KDM4B: variants seen among roughly 807,000 people sequenced by gnomAD.
KDM4B encodes lysine demethylase 4B.
In KDM4B, 32 loss-of-function variants were observed where a neutral mutation model predicts 125.2. That is an observed-to-expected ratio of 0.26 (90% confidence interval 0.19 to 0.34). The LOEUF (loss-of-function observed/expected upper bound fraction) is 0.34, where lower values mean the gene tolerates loss of function less well. Ranked by LOEUF, KDM4B falls within the 10% of genes least tolerant of loss-of-function variation. The pLI, the probability that KDM4B is intolerant of heterozygous loss-of-function variation, is 1.00. For synonymous variants in KDM4B, 721 were observed against 677.9 expected (o/e 1.06, Z -0.99); for missense variants, 1,190 against 1,577.7 (o/e 0.75, Z 4.16).
intron 1 of KDM4B, among the ~76,000 whole-genome samples, chr19:4,981,099 T>C (rs1022298125): frequency 6.6e-6 from 1 of 152,094 alleles, no homozygotes; most frequent in African/African-American, 2.4e-5. Context: ...CACGGGCCTC[T>C]TCTCTCAGCC....
At chr19:4,988,306 T>C (rs570762694) in intron 1 of KDM4B, among the ~76,000 whole-genome samples, 1 of 152,106 alleles carries the variant, frequency 6.6e-6, no homozygotes, top group South Asian at 2.1e-4. Flanking sequence ...GACGGAGTCT[T>C]GTTGTGTTTC....
At chr19:5,037,898 G>A (rs1421755412) in intron 3 of KDM4B, among the ~76,000 whole-genome samples, 2 of 152,260 alleles carry the variant, frequency 1.3e-5, no homozygotes, top group Non-Finnish European at 2.9e-5. Flanking sequence ...TGCCGGCCAC[G>A]GAGGCAGCAC....
rs766606899 is a variant in KDM4B at position 5,151,390 on chromosome 19, C to T, written c.3170C>T (p.Ala1057Val). The T allele has an allele frequency of 1.9e-6, 3 of 1,587,046 alleles. No individual in the cohort carries two copies. Among genetic ancestry groups the T allele is most frequent in the Non-Finnish European group, 2.6e-6 (3 of 1,168,914 alleles). ...EPAFSGEEAK[A>V]AKRPRVGTPL... is the part of the protein sequence containing the mutation. ...GCCTTCTCGGGGGAGGAGGCCAAGG[C>T]CGCCAAGCGCCCGCGTGTGGGCACC... Residue 1057 changes from alanine to valine, a missense_variant, in exon 23 of 23, where the codon GCC (alanine) becomes GTC (valine). Around this residue, in one of 7 missense-constraint regions of KDM4B, gnomAD observed 109 missense variants for 93.8 expected, o/e 1.16. Transcript: ENST00000159111.
rs149417632 is a variant in KDM4B at position 5,014,300 on chromosome 19, G to A, written c.-108-1957G>A. Among the ~76,000 whole-genome samples the A allele has an allele frequency of 2.4e-3, 364 of 152,212 alleles. 2 individuals are homozygous for A. Among genetic ancestry groups the A allele is most frequent in the African/African-American group, 8.0e-3 (331 of 41,538 alleles). On this transcript the variant is annotated intron_variant, in intron 1 of 22. Coordinates refer to ENST00000159111, the MANE Select transcript of KDM4B (RefSeq NM_015015.3). The stretch of plus-strand genomic sequence containing the variant: ...TTTTGTTTTGTTTTGTTTTTGAGAC[G>A]GAGTCTGGCTCTGTTGCCCAGGCTG...
At chr19:5,020,614 C>T (rs191221862) in intron 2 of KDM4B, among the ~76,000 whole-genome samples, 7 of 152,286 alleles carry the variant, frequency 4.6e-5, no homozygotes, top group South Asian at 4.1e-4. Flanking sequence ...AGGCCGCGGG[C>T]GCTGGGGGAA....
chr19:5,091,515 C>G (rs1306799693), intron 9 of KDM4B, among the ~76,000 whole-genome samples: 1 of 152,168 alleles, frequency 6.6e-6, no homozygotes, highest in African/African-American at 2.4e-5. Flanking sequence ...CCACCCATCT[C>G]CTCCCACCTC....
intron 2 of KDM4B, among the ~76,000 whole-genome samples, chr19:5,023,223 G>A (rs1410867755): frequency 1.3e-5 from 2 of 152,286 alleles, no homozygotes; most frequent in East Asian, 1.9e-4. Context: ...CCTGGCACGC[G>A]CTGGTGCTCT....
chr19:5,140,598 G>A (rs2039723993), intron 18 of KDM4B: 1 of 152,240 alleles, frequency 6.6e-6, no homozygotes, highest in South Asian at 2.1e-4. Context: ...AGCTCTGCAT[G>A]GCGGGACGTG....
rs374918082 is a variant in KDM4B at position 5,141,392 on chromosome 19, G to A, written c.2551-2575G>A. The A allele has an allele frequency of 2.6e-5, 4 of 152,226 alleles. No individual in the cohort carries two copies. Among genetic ancestry groups the A allele is most frequent in the East Asian group, 1.9e-4 (1 of 5,202 alleles). The allele number at this position is 152,226 out of a possible 1,614,324, so 9.4% of individuals were successfully genotyped here. A position where few individuals can be genotyped will look rare whatever the true frequency, so the allele number is the denominator to read the frequency against. ...AGGTGGAGTGATGGTGCGATGCGTG[G>A]TGCAGTGATAAGTCCTCCTGCCCGA... On this transcript the variant is annotated intron_variant, in intron 18 of 22. Transcript: ENST00000159111. This position sits in a 1 kb window ranked among gnomAD's most constrained non-coding sequence, Gnocchi z 6.4.
rs2039772469 is a variant in KDM4B at position 5,142,980 on chromosome 19, C to T, written c.2551-987C>T. On this transcript the variant is annotated intron_variant, in intron 18 of 22. Transcript: ENST00000159111. This position sits in a 1 kb window ranked among gnomAD's most constrained non-coding sequence, Gnocchi z 5.4. ...GAGCCTCAAGGGATGAAAGGTGGCT[C>T]TCCGGTGCTCCCTCCTCACCAAGGA... Among the ~76,000 whole-genome samples, 1 of 151,988 alleles carries T rather than the reference C, an allele frequency of 6.6e-6. No individual in the cohort carries two copies. Among genetic ancestry groups the T allele is most frequent in the African/African-American group, 2.4e-5 (1 of 41,360 alleles).
At chr19:4,983,257 GCCTGGTGCTATAGATGGGGT>G (rs1475695265) in intron 1 of KDM4B, among the ~76,000 whole-genome samples, 1 of 151,772 alleles carries the variant, frequency 6.6e-6, no homozygotes, top group African/African-American at 2.4e-5. Context: ...CGTGATGCCA[GCCTGGTGCTATAGATGGGGT>G]CCTGGTGCTT....
chr19:5,117,233 T>C (rs562528534), intron 10 of KDM4B, among the ~76,000 whole-genome samples: 1 of 148,856 alleles, frequency 6.7e-6, no homozygotes, highest in South Asian at 2.1e-4. Context: ...GCAGACACAG[T>C]AAGGCTTGAA....
chr19:5,077,587 G>A (rs1462888625), intron 8 of KDM4B, 117 bp downstream of exon 8: 1 of 829,936 alleles, frequency 1.2e-6, no homozygotes, highest in Non-Finnish European at 2.0e-6. Context: ...TTCTAGAACA[G>A]TGATTAGCAT....
Position 5,137,952 on chromosome 19 carries a change from G to T in KDM4B, c.2442-10G>T. On this transcript the variant is annotated splice_polypyrimidine_tract_variant and intron_variant, in intron 17 of 22. Coordinates refer to ENST00000159111, the MANE Select transcript of KDM4B (RefSeq NM_015015.3). ...AGGCGCACCTGACCCCGCTGCACCT[G>T]CCCTCCCAGGTGGATCCACGTGATC... 1 of 1,609,302 alleles carries T rather than the reference G, an allele frequency of 6.2e-7. No individual in the cohort carries two copies. Among genetic ancestry groups the T allele is most frequent in the South Asian group, 1.1e-5 (1 of 90,508 alleles).
At chr19:5,013,320 G>GC (rs973934420) in intron 1 of KDM4B, among the ~76,000 whole-genome samples, 1 of 152,218 alleles carries the variant, frequency 6.6e-6, no homozygotes, top group African/African-American at 2.4e-5. Context: ...GCAGCCAGGA[G>GC]CAGCAGGTCA....
intron 1 of KDM4B, among the ~76,000 whole-genome samples, chr19:4,980,361 C>T (rs974016802): frequency 2.0e-5 from 3 of 150,678 alleles, no homozygotes; most frequent in South Asian, 2.1e-4. Flanking sequence ...TCTCAGTGGG[C>T]GTGATATTCT....
chr19:5,071,057 T>C lies in KDM4B; in HGVS notation c.674T>C (p.Ile225Thr). ...EHGKRLERLA[I>T]GFFPGSSQGC... The stretch of plus-strand genomic sequence containing the variant: ...GGCAAGCGCCTGGAGCGGCTGGCCA[T>C]CGGTAGGTGCCTGCCCTGAGGGCCC... Residue 225 changes from isoleucine (I) to threonine (T), a missense_variant and splice_region_variant, in exon 7 of 23, where the codon ATC becomes ACC. Physicochemically the swap from Ile to Thr is moderately conservative, Grantham distance 89. Coordinates refer to ENST00000159111, the MANE Select transcript of KDM4B (RefSeq NM_015015.3). The C allele has an allele frequency of 6.2e-7, 1 of 1,612,988 alleles. No individual in the cohort carries two copies. Among genetic ancestry groups the C allele is most frequent in the Non-Finnish European group, 8.5e-7 (1 of 1,179,856 alleles).
chr19:5,132,390 C>T (rs80174529), intron 13 of KDM4B, among the ~76,000 whole-genome samples: 7,814 of 152,238 alleles, frequency 0.051, 275 homozygotes, highest in Admixed American at 0.11. Context: ...ATGGAATCTT[C>T]GATTTAACCC....
intron 9 of KDM4B, among the ~76,000 whole-genome samples, chr19:5,096,744 G>A (rs997437946): frequency 2.7e-5 from 4 of 147,954 alleles, no homozygotes; most frequent in African/African-American, 1.0e-4. Context: ...GTCCCGCGGT[G>A]CCCCCGGCGG....
Sources: gnomAD v4.1 joint callset for allele counts (sites outside exome capture counted in the v4.1 genomes callset) on GRCh38, gnomAD v4.1.1 for gene constraint, gnomAD v4.1.1 regional missense constraint, Gnocchi (gnomAD v3.1) non-coding constraint, MANE v1.5 for transcripts, NCBI Gene and HGNC (gene_info 2026-07-23, HGNC 2026-07-21) for gene names.